Variants in ANKIB1 observed in about 807,000 individuals in gnomAD.
ANKIB1 encodes ankyrin repeat and IBR domain containing 1.
Under a neutral mutation model 122.1 loss-of-function variants are expected in ANKIB1, and 43 were observed. The observed-to-expected ratio is 0.35, with a 90% confidence interval of 0.28 to 0.45. The LOEUF (loss-of-function observed/expected upper bound fraction) is 0.45, where lower values mean the gene tolerates loss of function less well. Among genes scored for constraint, ANKIB1 ranks in the 20% least tolerant of loss-of-function variants. The pLI, the probability that ANKIB1 is intolerant of heterozygous loss-of-function variation, is 1.00. For missense variants in ANKIB1, 992 were observed against 1,329.5 expected (o/e 0.75, Z 3.95); for synonymous variants, 390 against 442.0 (o/e 0.88, Z 1.48).
At chr7:92,341,422 C>A in intron 5 of ANKIB1, among the ~76,000 whole-genome samples, 1 of 149,634 alleles carries the variant, frequency 6.7e-6, no homozygotes, top group Non-Finnish European at 1.5e-5. Context: ...GAATTTATAC[C>A]AAGGAAATAC....
At chr7:92,254,423 C>A (rs888580142) in intron 1 of ANKIB1, among the ~76,000 whole-genome samples, 1 of 152,074 alleles carries the variant, frequency 6.6e-6, no homozygotes, top group Admixed American at 6.5e-5. Context: ...AATTATTTTT[C>A]AGAAATATTG....
chr7:92,273,777 CTTT>C (rs111414202), intron 1 of ANKIB1, among the ~76,000 whole-genome samples: 3 of 142,938 alleles, frequency 2.1e-5, no homozygotes, highest in Non-Finnish European at 1.5e-5. Context: ...TATTTTTTTT[CTTT>C]TTTTTTTTTT....
At chr7:92,261,879 T>C (rs551612269) in intron 1 of ANKIB1, among the ~76,000 whole-genome samples, 1 of 152,310 alleles carries the variant, frequency 6.6e-6, no homozygotes, top group South Asian at 2.1e-4. Context: ...TCCTAACTTT[T>C]CTATTTGAAA....
At chr7:92,263,774 C>T (rs996987104) in intron 1 of ANKIB1, among the ~76,000 whole-genome samples, 4 of 152,152 alleles carry the variant, frequency 2.6e-5, no homozygotes, top group African/African-American at 9.7e-5. Context: ...TTTACTTACT[C>T]TTATGTTCAG....
At chr7:92,392,416 CA>C in intron 17 of ANKIB1, 124 bp downstream of exon 17, 1 of 788,548 alleles carries the variant, frequency 1.3e-6, no homozygotes, top group Non-Finnish European at 2.0e-6. Context: ...TCTTTTGTAA[CA>C]AAAATGCCTT....
chr7:92,265,801 T>G (rs1344147734), intron 1 of ANKIB1, among the ~76,000 whole-genome samples: 1 of 152,124 alleles, frequency 6.6e-6, no homozygotes, highest in Non-Finnish European at 1.5e-5. Flanking sequence ...TGCATAAGAT[T>G]GGAGGAAGAA....
At chr7:92,372,151 A>G (rs558609771) in intron 11 of ANKIB1, among the ~76,000 whole-genome samples, 5 of 152,236 alleles carry the variant, frequency 3.3e-5, no homozygotes, top group Admixed American at 2.0e-4. Context: ...CTCTGTATCC[A>G]TGGGTTTCAT....
At chr7:92,308,536 G>T (rs1802614924) in intron 3 of ANKIB1, among the ~76,000 whole-genome samples, 1 of 151,898 alleles carries the variant, frequency 6.6e-6, no homozygotes, top group African/African-American at 2.4e-5. Flanking sequence ...TTTAAAATGT[G>T]TATTTTTCTG....
intron 4 of ANKIB1, chr7:92,325,864 C>G (rs981047130): frequency 9.5e-5 from 40 of 419,858 alleles, no homozygotes; most frequent in Non-Finnish European, 1.5e-4. Flanking sequence ...TGCACTAATG[C>G]AAAAGAGGTA....
At chr7:92,297,549 C>G (rs1585094458) in intron 2 of ANKIB1, among the ~76,000 whole-genome samples, 1 of 152,164 alleles carries the variant, frequency 6.6e-6, no homozygotes, top group South Asian at 2.1e-4. Flanking sequence ...CACCATGCTG[C>G]TAAGTTCACT....
At chr7:92,335,880 A>G (rs1027490576) in intron 5 of ANKIB1, among the ~76,000 whole-genome samples, 1 of 151,822 alleles carries the variant, frequency 6.6e-6, no homozygotes, top group Non-Finnish European at 1.5e-5. Flanking sequence ...AATTAGTTGA[A>G]TAATCTTGGC....
chr7:92,389,159 A>G (rs900918349), intron 14 of ANKIB1, among the ~76,000 whole-genome samples: 3 of 152,182 alleles, frequency 2.0e-5, no homozygotes, highest in Non-Finnish European at 4.4e-5. Flanking sequence ...AGATACAGCA[A>G]TTGCAAAGGA....
intron 3 of ANKIB1, among the ~76,000 whole-genome samples, chr7:92,318,361 C>T (rs1802835497): frequency 6.6e-6 from 1 of 151,904 alleles, no homozygotes; most frequent in African/African-American, 2.4e-5. Flanking sequence ...ACTAAAAATA[C>T]AAAAATTAGC....
At chr7:92,279,200 C>T (rs138959488) in intron 1 of ANKIB1, among the ~76,000 whole-genome samples, 5 of 152,228 alleles carry the variant, frequency 3.3e-5, no homozygotes, top group African/African-American at 9.6e-5. Flanking sequence ...TTCACTTGCC[C>T]GCTGCTCACC....
At position 92,397,740 on chromosome 7, in the gene ANKIB1, A is replaced by G. The variant is rs775363363; in HGVS notation, c.2413A>G (p.Ser805Gly). Reference protein sequence around the residue: ...ESTLDIPEGGSSSRRPGTSVV... With the variant: ...ESTLDIPEGGGSSRRPGTSVV... ...TGAAACAGATATTCCAGAAGGCGGC[A>G]GCAGCAGCCGCAGGCCTGGCACATC... Residue 805 changes from serine to glycine, a missense_variant, in exon 19 of 20, where the codon AGC becomes GGC. By Grantham distance (56) the Ser-to-Gly change is moderately conservative. This residue lies in a region of ANKIB1 where 384 missense variants were observed against 412.0 expected (regional missense o/e 0.93). Transcript: ENST00000265742. The G allele has an allele frequency of 2.5e-5, 40 of 1,611,940 alleles. No individual in the cohort carries two copies. The East Asian group carries it at 7.4e-4, about 30-fold the overall frequency.
intron 11 of ANKIB1, among the ~76,000 whole-genome samples, chr7:92,385,134 C>A (rs1462622071): frequency 9.2e-5 from 14 of 152,212 alleles, no homozygotes; most frequent in Admixed American, 9.2e-4. Context: ...AAAAAATGCT[C>A]ATCATCACTG....
At chr7:92,385,075 A>G (rs1804604589) in intron 11 of ANKIB1, among the ~76,000 whole-genome samples, 1 of 152,238 alleles carries the variant, frequency 6.6e-6, no homozygotes, top group Non-Finnish European at 1.5e-5. Context: ...GGCAAAGGAT[A>G]TGAACAGACA....
intron 1 of ANKIB1, among the ~76,000 whole-genome samples, chr7:92,291,157 G>T (rs1357608480): frequency 6.6e-6 from 1 of 152,110 alleles, no homozygotes; most frequent in African/African-American, 2.4e-5. Context: ...AGAAGGTTGT[G>T]GTGGCGTATG....
chr7:92,334,020 GTTA>G (rs1393339764), intron 5 of ANKIB1, among the ~76,000 whole-genome samples: 1 of 152,070 alleles, frequency 6.6e-6, no homozygotes, highest in African/African-American at 2.4e-5. Context: ...TTTTTCAACA[GTTA>G]TTATAATGAC....
Sources: allele counts gnomAD v4.1 joint callset (sites outside exome capture counted in the v4.1 genomes callset), GRCh38; gene constraint gnomAD v4.1.1; regional missense constraint gnomAD v4.1.1; transcripts MANE v1.5; gene names NCBI Gene and HGNC (gene_info 2026-07-23, HGNC 2026-07-21).